The following DRC12 variants were observed in gnomAD, a reference collection of about 807,000 sequenced individuals.
The protein encoded by DRC12 is dynein regulatory complex subunit 12 homolog.
At chr11:119,191,807 CAAAACAAAAAACAA>C in the DRC12 span, among the ~76,000 whole-genome samples, 13 of 151,018 alleles carry the variant, frequency 8.6e-5, no homozygotes, top group Non-Finnish European at 1.5e-5. Context: ...AACTCCGTCT[CAAAACAAAAAACAA>C]AAAACAAAAA....
chr11:119,190,305 G>C, the DRC12 span: 11 of 1,614,050 alleles, frequency 6.8e-6, no homozygotes, highest in African/African-American at 5.3e-5. This position sits in a 1 kb window ranked among gnomAD's most constrained non-coding sequence, Gnocchi z 4.2. Context: ...GAACACTAGA[G>C]ACTAGGGGCT....
the DRC12 span, chr11:119,193,056 A>C: frequency 9.2e-7 from 1 of 1,082,934 alleles, no homozygotes; most frequent in East Asian, 2.4e-5. Context: ...CCCAGACGGC[A>C]GCTTTCTGGA....
chr11:119,191,741 G>A, the DRC12 span, among the ~76,000 whole-genome samples: 3 of 151,936 alleles, frequency 2.0e-5, no homozygotes, highest in Non-Finnish European at 2.9e-5. Flanking sequence ...GTAGGAGGTG[G>A]AGGTTGCAGT....
the DRC12 span, chr11:119,193,743 C>T: frequency 6.4e-7 from 1 of 1,551,070 alleles, no homozygotes; most frequent in Admixed American, 2.0e-5. Context: ...GTCTCCTGCC[C>T]ACCTGCTTAA....
chr11:119,194,918 C>A, the DRC12 span: 40 of 1,551,102 alleles, frequency 2.6e-5, no homozygotes, highest in African/African-American at 5.2e-4. Flanking sequence ...TTCTACCCTC[C>A]TTACCCAAGT....
chr11:119,192,407 AT>A, the DRC12 span, among the ~76,000 whole-genome samples: 3 of 152,336 alleles, frequency 2.0e-5, no homozygotes, highest in South Asian at 6.2e-4. Context: ...TTTTAAAAAT[AT>A]TTTTGCTTAT....
the DRC12 span, chr11:119,195,421 C>T: frequency 6.4e-7 from 1 of 1,551,172 alleles, no homozygotes; most frequent in South Asian, 1.2e-5. Flanking sequence ...CACCATGACT[C>T]ACCCCAGTTC....
chr11:119,190,824 C>T, the DRC12 span: 5 of 1,612,804 alleles, frequency 3.1e-6, no homozygotes, highest in African/African-American at 1.3e-5. This position sits in a 1 kb window ranked among gnomAD's most constrained non-coding sequence, Gnocchi z 4.2. Context: ...CAGCTGCAGC[C>T]TCCCTTTGGC....
the DRC12 span, chr11:119,193,086 C>T: frequency 3.0e-6 from 4 of 1,350,124 alleles, no homozygotes; most frequent in East Asian, 2.3e-5. Context: ...TTGAAGTCTA[C>T]CCCTTCATGC....
chr11:119,194,788 T>A, the DRC12 span: 11 of 571,994 alleles, frequency 1.9e-5, no homozygotes, highest in South Asian at 4.1e-5. Flanking sequence ...TCTCTCATCA[T>A]CTTTTTCCAC....
chr11:119,195,324 C>T, the DRC12 span: 1 of 1,113,166 alleles, frequency 9.0e-7, no homozygotes, highest in Admixed American at 2.1e-5. Context: ...AGAGCTCCAT[C>T]CTGTCCTGCA....
the DRC12 span, chr11:119,193,114 C>T: frequency 6.4e-7 from 1 of 1,572,600 alleles, no homozygotes; most frequent in Middle Eastern, 1.7e-4. Flanking sequence ...TGCTGCAACT[C>T]TTGGAGAGAA....
At chr11:119,195,294 C>T in the DRC12 span, 5 of 820,314 alleles carry the variant, frequency 6.1e-6, no homozygotes, top group Non-Finnish European at 9.7e-6. Context: ...GCTGTGAGGA[C>T]ATGAAAGAGG....
At chr11:119,193,532 C>T in the DRC12 span, 4 of 1,371,800 alleles carry the variant, frequency 2.9e-6, no homozygotes, top group Non-Finnish European at 3.8e-6. Context: ...GTATCCTACA[C>T]AGCATCAAGC....
At chr11:119,194,725 A>C in the DRC12 span, among the ~76,000 whole-genome samples, 1 of 148,484 alleles carries the variant, frequency 6.7e-6, no homozygotes, top group South Asian at 2.2e-4. Flanking sequence ...AAAAAAACAA[A>C]AAACAAACAA....
At chr11:119,194,515 CAAA>C in the DRC12 span, among the ~76,000 whole-genome samples, 17 of 27,492 alleles carry the variant, frequency 6.2e-4, no homozygotes, top group African/African-American at 2.6e-3. Context: ...GACTCTGTCT[CAAA>C]AAAAAAAAAA....
the DRC12 span, chr11:119,190,744 G>T: frequency 1.1e-5 from 17 of 1,614,088 alleles, no homozygotes; most frequent in Non-Finnish European, 1.4e-5. This position sits in a 1 kb window ranked among gnomAD's most constrained non-coding sequence, Gnocchi z 4.2. Flanking sequence ...CTCCATGTCT[G>T]CCATGTGGGC....
At chr11:119,191,152 T>C in the DRC12 span, among the ~76,000 whole-genome samples, 1 of 150,644 alleles carries the variant, frequency 6.6e-6, no homozygotes. Context: ...CAGGCTGGAG[T>C]GCAGTGGCGC....
chr11:119,193,947 A>G, the DRC12 span: 5 of 1,506,942 alleles, frequency 3.3e-6, no homozygotes, highest in Admixed American at 6.1e-5. Context: ...AGCCCCCATG[A>G]ACGTGATGGA....
Sources: gnomAD v4.1 joint callset for allele counts (sites outside exome capture counted in the v4.1 genomes callset) on GRCh38, gnomAD v4.1.1 for gene constraint, Gnocchi (gnomAD v3.1) non-coding constraint, MANE v1.5 for transcripts, NCBI Gene and HGNC (gene_info 2026-07-23, HGNC 2026-07-21) for gene names.